Variants in PHF20L1 observed in about 807,000 individuals in gnomAD.
The protein encoded by PHF20L1 is PHD finger protein 20-like protein 1.
PHF20L1 carries 44 observed loss-of-function variants against 125.5 expected under a neutral mutation model. The observed-to-expected ratio is 0.35, with a 90% CI of 0.28 to 0.45. PHF20L1 has a LOEUF of 0.45. Ranked by LOEUF, PHF20L1 falls within the 20% of genes least tolerant of loss-of-function variation. The probability of loss-of-function intolerance (pLI) is 1.00; values close to 1 mark genes in which losing one functional copy is unlikely to be tolerated. For synonymous variants in PHF20L1, 380 were observed against 403.1 expected (o/e 0.94, Z 0.69); for missense variants, 1,012 against 1,217.2 (o/e 0.83, Z 2.51).
At chr8:132,778,865 T>C (rs988068) in intron 2 of PHF20L1, among the ~76,000 whole-genome samples, 96,025 of 152,048 alleles carry the variant, frequency 0.63, 30,450 homozygotes, top group Admixed American at 0.68. Context: ...TTGATGCGAG[T>C]TCTTGTTTAG....
rs944547599 is a variant in PHF20L1 at position 132,848,639 on chromosome 8, G to C, written c.*2716G>C. 1 of 152,342 alleles carries C rather than the reference G, an allele frequency of 6.6e-6. No homozygotes were observed. Among genetic ancestry groups the C allele is most frequent in the Non-Finnish European group, 1.5e-5 (1 of 67,902 alleles). The allele number at this position is 152,342 out of a possible 1,614,324, so 9.4% of individuals were successfully genotyped here. A position where few individuals can be genotyped will look rare whatever the true frequency, so the allele number is the denominator to read the frequency against. On this transcript the variant is annotated 3_prime_UTR_variant, in exon 21 of 21. Transcript: ENST00000395386. Reference sequence around the variant, plus strand: ...TCTACTGACTTATTTCCAAACTTAAGAGTAATGTACTTCGAAAACAACTTG... The same window carrying C: ...TCTACTGACTTATTTCCAAACTTAACAGTAATGTACTTCGAAAACAACTTG...
rs775001242 is a variant in PHF20L1 at position 132,824,059 on chromosome 8, T to C, written c.1635T>C (p.Phe545=). ...TGGAAGACAAAAGCTCAACAGCATT[T>C]GGTATGAACAGAAAGTAATCTTTAA... The part of the protein sequence containing the change: ...VKLEDKSSTA[F]GKRKEKDKER... The change falls in exon 13 of 21, where the codon TTT becomes TTC. Residue 545 remains phenylalanine, a splice_region_variant and synonymous_variant. Coordinates refer to ENST00000395386, the MANE Select transcript of PHF20L1 (RefSeq NM_016018.5). 5 of 1,584,412 alleles carry C rather than the reference T, an allele frequency of 3.2e-6. No homozygotes were observed. In the East Asian group the frequency reaches 9.0e-5, roughly 29 times the overall value.
Position 132,825,031 on chromosome 8 carries a change from T to G in PHF20L1, c.1637-233T>G, listed in dbSNP as rs376927064. On this transcript the variant is annotated intron_variant, in intron 13 of 20. Transcript: ENST00000395386. The stretch of plus-strand genomic sequence containing the variant: ...TTTTAACTACTGTCTGTGTTAACTT[T>G]AAGGTATCAGGAGTTGGGATTTCTC... 9 of 1,439,890 alleles carry G rather than the reference T, an allele frequency of 6.3e-6. No individual in the cohort carries two copies. The African/African-American group carries it at 1.1e-4, about 18-fold the overall frequency. 89.2% of individuals were successfully genotyped at this position (1,439,890 alleles called of 1,614,324 possible). A position where few individuals can be genotyped will look rare whatever the true frequency, so the allele number is the denominator to read the frequency against.
chr8:132,820,967 G>A (rs1835524518), intron 12 of PHF20L1, among the ~76,000 whole-genome samples: 1 of 150,914 alleles, frequency 6.6e-6, no homozygotes, highest in Non-Finnish European at 1.5e-5. Context: ...TTATTTTTTA[G>A]CAAATTAGTA....
chr8:132,843,688 C>T (rs1398318144), intron 19 of PHF20L1: 1 of 982,930 alleles, frequency 1.0e-6, no homozygotes, highest in Non-Finnish European at 1.2e-6. Context: ...CCTTTCCCTC[C>T]CTTCATTGAT....
chr8:132,793,823 T>C (rs1330557663), intron 2 of PHF20L1, among the ~76,000 whole-genome samples: 1 of 152,178 alleles, frequency 6.6e-6, no homozygotes, highest in Non-Finnish European at 1.5e-5. Flanking sequence ...AAAGTGAGCT[T>C]ATGCCATATA....
rs573848964 is a variant in PHF20L1, at chr8:132,814,173, T to C, written c.931-464T>C. On this transcript the variant is annotated intron_variant, in intron 9 of 20. Coordinates refer to ENST00000395386, the MANE Select transcript of PHF20L1 (RefSeq NM_016018.5). ...CAGATCTTTCTTTAAAGGGAATCTG[T>C]CTACTTAGACCTTTACATTCAACTT... 3.3e-5 allele frequency among the ~76,000 whole-genome samples: 5 copies of C among 152,072 alleles called. No homozygotes were observed. The East Asian group carries it at 9.7e-4, about 29-fold the overall frequency.
At chr8:132,839,052 C>A (rs1183683374) in intron 17 of PHF20L1, 1 of 205,882 alleles carries the variant, frequency 4.9e-6, no homozygotes, top group South Asian at 1.2e-4. Flanking sequence ...GAGAAATAAC[C>A]CCTGTCTAGT....
chr8:132,830,312 C>T (rs1836625145), intron 14 of PHF20L1, among the ~76,000 whole-genome samples: 1 of 152,036 alleles, frequency 6.6e-6, no homozygotes, highest in Non-Finnish European at 1.5e-5. Flanking sequence ...TGGGCCCACC[C>T]ATATGATCCA....
intron 17 of PHF20L1, 36 bp downstream of exon 17, chr8:132,837,847 C>A: frequency 7.1e-7 from 1 of 1,402,268 alleles, no homozygotes; most frequent in Non-Finnish European, 1.0e-6. Flanking sequence ...TGCCAGGATG[C>A]CTCTATGTCT....
intron 9 of PHF20L1, among the ~76,000 whole-genome samples, chr8:132,814,372 A>G (rs1289719562): frequency 6.6e-6 from 1 of 151,910 alleles, no homozygotes; most frequent in Non-Finnish European, 1.5e-5. Flanking sequence ...GTAAGATAAC[A>G]TTTTATGTTC....
At position 132,839,795 on chromosome 8, in the gene PHF20L1, G is replaced by A. The variant is rs138790905; in HGVS notation, c.2387+213G>A. Reference sequence around the variant, plus strand: ...CTAGAATGTGTAAGTGTGGTTAAAGGTAGATACGGCATCTAGTATTTCAAC... The same window carrying A: ...CTAGAATGTGTAAGTGTGGTTAAAGATAGATACGGCATCTAGTATTTCAAC... On this transcript the variant is annotated intron_variant, in intron 18 of 20. Coordinates refer to ENST00000395386, the MANE Select transcript of PHF20L1 (RefSeq NM_016018.5). Among the ~76,000 whole-genome samples the A allele has an allele frequency of 1.2e-4, 19 of 152,234 alleles. No individual in the cohort carries two copies. The East Asian group carries it at 3.3e-3, about 26-fold the overall frequency.
intron 12 of PHF20L1, among the ~76,000 whole-genome samples, chr8:132,820,374 G>C (rs1046192284): frequency 1.3e-5 from 2 of 151,812 alleles, no homozygotes; most frequent in Non-Finnish European, 2.9e-5. Flanking sequence ...GTTATCTATT[G>C]CCCCTTGTCA....
Position 132,777,912 on chromosome 8 carries a change from G to A in PHF20L1, c.83+1G>A. The A allele has an allele frequency of 6.3e-7, 1 of 1,582,822 alleles. No homozygotes were observed. The highest frequency in any genetic ancestry group is 8.7e-7 in the Non-Finnish European group (1 of 1,151,926). The stretch of plus-strand genomic sequence containing the variant: ...AGGCACTGGACTACTTACAAAAATG[G>A]TATGGAAAATATAGAACTTTCACCT... On this transcript the variant is annotated splice_donor_variant, in intron 2 of 20. Coordinates refer to ENST00000395386, the MANE Select transcript of PHF20L1 (RefSeq NM_016018.5). LOFTEE classifies it high-confidence loss of function.
At chr8:132,823,098 A>G (rs1202914871) in intron 12 of PHF20L1, among the ~76,000 whole-genome samples, 1 of 151,952 alleles carries the variant, frequency 6.6e-6, no homozygotes, top group Non-Finnish European at 1.5e-5. Flanking sequence ...TATTAATAAT[A>G]CCTATGTTTT....
intron 10 of PHF20L1, chr8:132,816,575 A>G (rs529911458): frequency 4.7e-4 from 104 of 221,500 alleles, no homozygotes; most frequent in African/African-American, 1.7e-3. Context: ...AAAAATGGCA[A>G]TTTACACAAC....
chr8:132,800,054 T>C (rs1586911170), intron 6 of PHF20L1: 1 of 151,642 alleles, frequency 6.6e-6, no homozygotes, highest in East Asian at 1.9e-4. Context: ...TTTTTTTTTT[T>C]TTTTGCTTTA....
In PHF20L1 at chr8:132,832,411, C is replaced by T. The variant is rs774598496; in HGVS notation, c.1909+12C>T. ...TCTTAGTGGTGAAAGTATGTGTAAC[C>T]ATGTGATGGTTAAAACAAGACTTAC... On this transcript the variant is annotated intron_variant, in intron 15 of 20. Coordinates refer to ENST00000395386, the MANE Select transcript of PHF20L1 (RefSeq NM_016018.5). 1.3e-6 allele frequency: 2 copies of T among 1,589,892 alleles called. No individual in the cohort carries two copies. The highest frequency in any genetic ancestry group is 1.7e-5 in the Admixed American group (1 of 59,468).
rs1240420969 is a variant in PHF20L1 at position 132,798,665 on chromosome 8, TGCATTCCTAAA to T, written c.341-101_341-91del. Reference sequence around the variant, plus strand: ...CCTTAACAGGAGCATTTGTAGTTTTTGCATTCCTAAAGCATTTATCTATACAAGTCACTACT... The same window carrying T: ...CCTTAACAGGAGCATTTGTAGTTTTTGCATTTATCTATACAAGTCACTACT... On this transcript the variant is annotated intron_variant, in intron 4 of 20. Transcript: ENST00000395386. 11 of 637,294 alleles carry T rather than the reference TGCATTCCTAAA, an allele frequency of 1.7e-5. No homozygotes were observed. In the East Asian group the frequency reaches 3.2e-4, roughly 19 times the overall value. The allele number at this position is 637,294 out of a possible 1,614,324, so 39.5% of individuals were successfully genotyped here. A position where few individuals can be genotyped will look rare whatever the true frequency, so the allele number is the denominator to read the frequency against.
Sources: allele counts gnomAD v4.1 joint callset (sites outside exome capture counted in the v4.1 genomes callset), GRCh38; gene constraint gnomAD v4.1.1; transcripts MANE v1.5; gene names NCBI Gene and HGNC (gene_info 2026-07-23, HGNC 2026-07-21).